Variants in LRCH1 observed in about 807,000 individuals in gnomAD.
LRCH1 encodes leucine-rich repeat and calponin homology domain-containing protein 1.
Under a neutral mutation model 94.9 loss-of-function variants are expected in LRCH1, and 23 were observed. The ratio of observed to expected loss-of-function variants is 0.24; its 90% CI spans 0.17 to 0.34. The LOEUF (loss-of-function observed/expected upper bound fraction) is 0.34. Among genes scored for constraint, LRCH1 ranks in the 10% least tolerant of loss-of-function variants. LRCH1 has a pLI of 1.00. For missense variants in LRCH1, 790 were observed against 945.9 expected, an observed-to-expected ratio of 0.84 and a Z score of 2.16; for synonymous variants, 364 against 354.9, an observed-to-expected ratio of 1.03 and a Z score of -0.29.
At chr13:46,749,862 C>T (rs768518143), downstream of LRCH1, among the ~76,000 whole-genome samples, 10 of 152,132 alleles carry the variant, frequency 6.6e-5, no homozygotes, top group East Asian at 5.8e-4. Flanking sequence ...GAGGGACTCA[C>T]GCTTACTGTT....
At chr13:46,740,774 G>A (rs1053498683) in intron 19 of LRCH1, among the ~76,000 whole-genome samples, 2 of 152,134 alleles carry the variant, frequency 1.3e-5, no homozygotes, top group Non-Finnish European at 2.9e-5. Flanking sequence ...TGAGACAATT[G>A]TTTGCTTTCT....
intron 2 of LRCH1, among the ~76,000 whole-genome samples, chr13:46,651,661 CAAAA>C (rs754716387): frequency 9.2e-6 from 1 of 108,382 alleles, no homozygotes; most frequent in African/African-American, 3.5e-5. Flanking sequence ...AACTCCATGT[CAAAA>C]AAAAAAAAAG....
intron 17 of LRCH1, among the ~76,000 whole-genome samples, chr13:46,725,852 T>C (rs970622435): frequency 2.0e-5 from 3 of 152,226 alleles, no homozygotes; most frequent in African/African-American, 7.2e-5. Context: ...ATGAAATCTA[T>C]GCAACTAAGA....
At position 46,705,226 on chromosome 13, in the gene LRCH1, A is replaced by G. The variant is rs570842116; in HGVS notation, c.1491-42A>G. ...ATACATTGACATTTCTATGCTTTAAATTTCACTTTGTATCTTTTTTTTTCT... is the reference window on the plus strand; with the variant it reads ...ATACATTGACATTTCTATGCTTTAAGTTTCACTTTGTATCTTTTTTTTTCT... On this transcript the variant is annotated intron_variant, in intron 12 of 19. Transcript: ENST00000389797. 11 of 1,576,662 alleles carry G rather than the reference A, an allele frequency of 7.0e-6. No homozygotes were observed. The Admixed American group carries it at 1.3e-4, about 18-fold the overall frequency.
chr13:46,594,085 G>A (rs2050531843), intron 1 of LRCH1, among the ~76,000 whole-genome samples: 1 of 152,124 alleles, frequency 6.6e-6, no homozygotes, highest in African/African-American at 2.4e-5. Flanking sequence ...TGCCTGGGAA[G>A]TGAAGTAACT....
chr13:46,662,912 C>G (rs1477947244), intron 2 of LRCH1, among the ~76,000 whole-genome samples: 1 of 152,152 alleles, frequency 6.6e-6, no homozygotes, highest in Non-Finnish European at 1.5e-5. Context: ...TTGCTCTTCT[C>G]GCAGTTCTCT....
chr13:46,558,731 TCAAACAAA>T (rs894027465), intron 1 of LRCH1, among the ~76,000 whole-genome samples: 1 of 151,974 alleles, frequency 6.6e-6, no homozygotes, highest in East Asian at 1.9e-4. Context: ...AGACTCTGTC[TCAAACAAA>T]CAAACAAACA....
At chr13:46,636,115 C>G (rs1318841492) in intron 1 of LRCH1, among the ~76,000 whole-genome samples, 6 of 143,498 alleles carry the variant, frequency 4.2e-5, no homozygotes, top group Admixed American at 1.4e-4. Flanking sequence ...TGTCACCCAG[C>G]CTGGAGTGCA....
intron 3 of LRCH1, among the ~76,000 whole-genome samples, chr13:46,677,255 C>CAAAAAAA (rs67827727): frequency 4.1e-3 from 398 of 97,982 alleles, no homozygotes; most frequent in African/African-American, 0.01. Context: ...ACTAAAAATA[C>CAAAAAAA]AAAAAAAAAA....
At chr13:46,658,402 G>C (rs192016456) in intron 2 of LRCH1, among the ~76,000 whole-genome samples, 1 of 152,292 alleles carries the variant, frequency 6.6e-6, no homozygotes. Context: ...GTTTTGCTAT[G>C]CAGTGGTTGT....
intron 18 of LRCH1, among the ~76,000 whole-genome samples, chr13:46,732,241 G>GT (rs1393559941): frequency 7.2e-5 from 11 of 152,198 alleles, no homozygotes; most frequent in Non-Finnish European, 1.5e-4. Flanking sequence ...AGGGAATATA[G>GT]TAGTGAACAA....
At chr13:46,653,722 T>G (rs1266158574) in intron 2 of LRCH1, among the ~76,000 whole-genome samples, 1 of 151,784 alleles carries the variant, frequency 6.6e-6, no homozygotes, top group African/African-American at 2.4e-5. Flanking sequence ...GCCCAGCTAC[T>G]TGGGAGGCTG....
intron 2 of LRCH1, among the ~76,000 whole-genome samples, chr13:46,661,375 C>T (rs1220121233): frequency 6.6e-6 from 1 of 152,140 alleles, no homozygotes; most frequent in Non-Finnish European, 1.5e-5. Flanking sequence ...CGTCTTAGTG[C>T]CAACACAGTC....
At chr13:46,566,852 C>CTGAAAGTG (rs2050190085) in intron 1 of LRCH1, among the ~76,000 whole-genome samples, 3 of 152,204 alleles carry the variant, frequency 2.0e-5, no homozygotes, top group Non-Finnish European at 4.4e-5. Context: ...AAAGTGAGCT[C>CTGAAAGTG]AGAGACCCCA....
At chr13:46,614,642 C>T (rs1023950982) in intron 1 of LRCH1, among the ~76,000 whole-genome samples, 11 of 152,074 alleles carry the variant, frequency 7.2e-5, no homozygotes, top group Admixed American at 6.6e-5. Flanking sequence ...TTCTAGTTGA[C>T]ATTGTTGTTT....
At chr13:46,569,661 C>T (rs992631344) in intron 1 of LRCH1, among the ~76,000 whole-genome samples, 1 of 152,110 alleles carries the variant, frequency 6.6e-6, no homozygotes, top group Non-Finnish European at 1.5e-5. Flanking sequence ...TCCACAGGGC[C>T]TCTGGTATCT....
intron 1 of LRCH1, among the ~76,000 whole-genome samples, chr13:46,558,252 G>A (rs1169092016): frequency 6.6e-6 from 1 of 152,206 alleles, no homozygotes; most frequent in Non-Finnish European, 1.5e-5. Flanking sequence ...TCAAGGTGAG[G>A]TGCCAAGTAG....
At chr13:46,601,846 G>A (rs1287999339) in intron 1 of LRCH1, among the ~76,000 whole-genome samples, 1 of 152,098 alleles carries the variant, frequency 6.6e-6, no homozygotes, top group Non-Finnish European at 1.5e-5. Flanking sequence ...TAGTACCCAC[G>A]CCGCTGCCTA....
chr13:46,721,753 C>CT (rs113976494), intron 16 of LRCH1, among the ~76,000 whole-genome samples: 36 of 152,362 alleles, frequency 2.4e-4, no homozygotes, highest in African/African-American at 8.4e-4. Context: ...TGACTCCTCT[C>CT]TGAGATTCCA....
Sources: allele counts gnomAD v4.1 joint callset (sites outside exome capture counted in the v4.1 genomes callset), GRCh38; gene constraint gnomAD v4.1.1; transcripts MANE v1.5; gene names NCBI Gene and HGNC (gene_info 2026-07-23, HGNC 2026-07-21).